The following VPS41 variants were observed in gnomAD, a reference collection of about 807,000 sequenced individuals.
VPS41 encodes the protein vacuolar protein sorting-associated protein 41 homolog.
Under a neutral mutation model 130.9 loss-of-function variants are expected in VPS41, and 85 were observed. The ratio of observed to expected loss-of-function variants is 0.65; its 90% CI spans 0.55 to 0.78. VPS41 has a LOEUF of 0.78. Among genes scored for constraint, VPS41 ranks in the 30% least tolerant of loss-of-function variants. The pLI is 0.00. For synonymous variants in VPS41, 335 were observed against 332.9 expected (o/e 1.01, Z -0.07); for missense variants, 874 against 1,018.7 (o/e 0.86, Z 1.93).
chr7:38,829,233 G>T (rs1456167632), intron 5 of VPS41, among the ~76,000 whole-genome samples: 2 of 152,150 alleles, frequency 1.3e-5, no homozygotes, highest in Non-Finnish European at 2.9e-5. Context: ...TGTTTCAAAA[G>T]ACTCTTTGGG....
At chr7:38,806,178 T>C (rs953092786) in intron 7 of VPS41, among the ~76,000 whole-genome samples, 1 of 152,244 alleles carries the variant, frequency 6.6e-6, no homozygotes, top group African/African-American at 2.4e-5. Flanking sequence ...TAAACTGGTG[T>C]AAGTTTTCTG....
At chr7:38,755,991 C>G (rs4723784) in intron 19 of VPS41, among the ~76,000 whole-genome samples, 136,261 of 152,196 alleles carry the variant, frequency 0.9, 61,077 homozygotes, top group East Asian at 0.99. Flanking sequence ...GAGAAAAAGA[C>G]GTAGCTCTAG....
intron 2 of VPS41, among the ~76,000 whole-genome samples, chr7:38,873,069 TCTTA>T (rs1262026093): frequency 6.6e-6 from 1 of 152,220 alleles, no homozygotes; most frequent in African/African-American, 2.4e-5. Flanking sequence ...GGTTTCCCTG[TCTTA>T]CTTATAAGTG....
chr7:38,897,582 C>T (rs1349086825), intron 2 of VPS41, among the ~76,000 whole-genome samples: 1 of 151,106 alleles, frequency 6.6e-6, no homozygotes, highest in East Asian at 2.0e-4. Context: ...GAGACGGAGC[C>T]TGCAGTGAGC....
rs765485919 is a variant in VPS41 at position 38,898,065 on chromosome 7, C to T, written c.60+26G>A. The T allele has an allele frequency of 2.0e-5, 32 of 1,610,522 alleles. 1 individual carries two copies. The highest frequency in any genetic ancestry group is 1.6e-4 in the Middle Eastern group (1 of 6,076). On this transcript the variant is annotated intron_variant, in intron 2 of 28. Transcript: ENST00000310301. Reference sequence around the variant, plus strand: ...AGAACAACGTGGTGAGCTACAAATCCGAGGGCTCCTGAGTCACCACCTTAC... The same window carrying T: ...AGAACAACGTGGTGAGCTACAAATCTGAGGGCTCCTGAGTCACCACCTTAC...
Position 38,846,130 on chromosome 7 carries a change from G to A in VPS41, c.247-15802C>T, listed in dbSNP as rs529306915. Among the ~76,000 whole-genome samples, 5 of 152,232 alleles carry A rather than the reference G, an allele frequency of 3.3e-5. No homozygotes were observed. The South Asian group carries it at 1.0e-3, about 32-fold the overall frequency. On this transcript the variant is annotated intron_variant, in intron 4 of 28. Transcript: ENST00000310301. ...ACTAATAGTACCAAACACCCAACAT[G>A]ATATAAAGAGAATTTAAAAAAAATG...
intron 9 of VPS41, among the ~76,000 whole-genome samples, chr7:38,792,965 C>T (rs1320862933): frequency 6.6e-6 from 1 of 152,168 alleles, no homozygotes; most frequent in East Asian, 1.9e-4. Context: ...CTAACACCTC[C>T]TACCCCAGGC....
In VPS41 at chr7:38,726,259, T is replaced by C; in HGVS notation, c.2552A>G (p.Glu851Gly). Residue 851 changes from glutamate to glycine, a missense_variant, in exon 29 of 29, where the codon GAG (glutamate) becomes GGG (glycine). By Grantham distance (98) the Glu-to-Gly change is moderately conservative. Transcript: ENST00000310301. Reference sequence around the variant, plus strand: ...AGGAGAAATGAGCTATTTTTTCATCTCCAAAATTGCACTTCCTGGTCCACG... The same window carrying C: ...AGGAGAAATGAGCTATTTTTTCATCCCCAAAATTGCACTTCCTGGTCCACG... ...KNRGPGSAIL[E>G]MKK 1.2e-6 allele frequency: 2 copies of C among 1,608,764 alleles called. No individual in the cohort carries two copies. Among genetic ancestry groups the C allele is most frequent in the Non-Finnish European group, 1.7e-6 (2 of 1,175,984 alleles).
intron 11 of VPS41, 134 bp from the exon 12 acceptor site, chr7:38,774,378 A>G (rs1344408011): frequency 2.5e-6 from 2 of 785,356 alleles, no homozygotes; most frequent in Non-Finnish European, 3.5e-6. Context: ...GGTAATTTAT[A>G]AAGGAAAGAG....
chr7:38,730,387 C>A (rs1795639475), intron 25 of VPS41, among the ~76,000 whole-genome samples: 1 of 152,130 alleles, frequency 6.6e-6, no homozygotes, highest in Non-Finnish European at 1.5e-5. Context: ...AAGCCTTTTT[C>A]CCCTAATTAT....
At chr7:38,855,610 A>T (rs1345497483) in intron 4 of VPS41, among the ~76,000 whole-genome samples, 1 of 152,188 alleles carries the variant, frequency 6.6e-6, no homozygotes, top group African/African-American at 2.4e-5. Flanking sequence ...GTTTCGCTAC[A>T]TAAGGGAGGT....
intron 25 of VPS41, among the ~76,000 whole-genome samples, chr7:38,737,608 C>T (rs1584364627): frequency 6.6e-6 from 1 of 152,294 alleles, no homozygotes; most frequent in Non-Finnish European, 1.5e-5. Context: ...TCAACTTTCT[C>T]ATCTGCAAAG....
intron 6 of VPS41, among the ~76,000 whole-genome samples, chr7:38,819,577 G>A (rs1785129445): frequency 6.6e-6 from 1 of 152,102 alleles, no homozygotes; most frequent in South Asian, 2.1e-4. Flanking sequence ...AAGGTCACCA[G>A]TAACTTCAAA....
At position 38,772,539 on chromosome 7, in the gene VPS41, C is replaced by A. The variant is rs1562580860; in HGVS notation, c.1111G>T (p.Glu371Ter). ...DQDDHIDWLL[E>*]KKKYEEALMA... The stretch of plus-strand genomic sequence containing the variant: ...AAGGGTACTTCATATTTCTTCTTTT[C>A]AAGGAGCCAGTCAATGTGATCATCT... The change falls in exon 13 of 29, where the codon GAA becomes TAA. Residue 371 changes from glutamate (E) to a stop codon, truncating the protein, a stop_gained. Transcript: ENST00000310301. LOFTEE classifies it high-confidence loss of function. The A allele has an allele frequency of 1.2e-6, 2 of 1,611,744 alleles. No individual in the cohort carries two copies.
chr7:38,858,059 G>C (rs1183395127), intron 4 of VPS41, among the ~76,000 whole-genome samples: 1 of 152,156 alleles, frequency 6.6e-6, no homozygotes, highest in Non-Finnish European at 1.5e-5. Context: ...CTATGTAGAA[G>C]AAGTCTTATA....
chr7:38,816,547 C>T (rs774918658), intron 7 of VPS41, among the ~76,000 whole-genome samples: 2 of 151,858 alleles, frequency 1.3e-5, no homozygotes, highest in Non-Finnish European at 1.5e-5. Flanking sequence ...GGCTCCAAAC[C>T]GAATAGTAAA....
chr7:38,768,098 T>C (rs1784082942), intron 14 of VPS41, among the ~76,000 whole-genome samples: 1 of 152,196 alleles, frequency 6.6e-6, no homozygotes, highest in Non-Finnish European at 1.5e-5. Context: ...CAGAAAAACC[T>C]GTGATTCAAA....
intron 2 of VPS41, among the ~76,000 whole-genome samples, chr7:38,874,285 C>T (rs1328618699): frequency 6.6e-6 from 1 of 152,166 alleles, no homozygotes; most frequent in African/African-American, 2.4e-5. Context: ...TTACTACTTA[C>T]ACAGAACTTA....
At chr7:38,801,148 GGGA>G (rs985917608) in intron 7 of VPS41, among the ~76,000 whole-genome samples, 7 of 152,168 alleles carry the variant, frequency 4.6e-5, no homozygotes, top group African/African-American at 1.7e-4. Context: ...TCCAGCAGAG[GGGA>G]GGAGGCAAAG....
Sources: allele counts gnomAD v4.1 joint callset (sites outside exome capture counted in the v4.1 genomes callset), GRCh38; gene constraint gnomAD v4.1.1; transcripts MANE v1.5; gene names NCBI Gene and HGNC (gene_info 2026-07-23, HGNC 2026-07-21).